MCF2L2: variants seen among roughly 807,000 people sequenced by gnomAD.
The protein encoded by MCF2L2 is probable guanine nucleotide exchange factor MCF2L2.
MCF2L2 carries 102 observed loss-of-function variants against 150.2 expected under a neutral mutation model. That is an observed-to-expected ratio of 0.68 (90% CI 0.58 to 0.80). MCF2L2 has a LOEUF of 0.80. Ranked by LOEUF, MCF2L2 falls within the 30% of genes least tolerant of loss-of-function variation. The pLI, the probability that MCF2L2 is intolerant of heterozygous loss-of-function variation, is 0.00. For synonymous variants in MCF2L2, 465 were observed against 491.3 expected (o/e 0.95, Z 0.71); for missense variants, 1,256 against 1,372.8 (o/e 0.91, Z 1.34).
Position 183,267,597 on chromosome 3 carries a change from C to T in MCF2L2, c.1862+9275G>A, listed in dbSNP as rs752789111. Among the ~76,000 whole-genome samples the T allele has an allele frequency of 6.6e-6, 1 of 152,232 alleles. No homozygotes were observed. Among genetic ancestry groups the T allele is most frequent in the Non-Finnish European group, 1.5e-5 (1 of 68,046 alleles). ...CTTTGCCCTGGGGCTTGCTATGTGG[C>T]TCAGCCTACACGGCTCTCTCCCCGT... On this transcript the variant is annotated intron_variant, in intron 15 of 29. Transcript: ENST00000328913. The surrounding 1 kb of genome is among the most constrained non-coding windows in gnomAD (Gnocchi z 5.5).
At chr3:183,425,184 T>C (rs919371840) in intron 1 of MCF2L2, among the ~76,000 whole-genome samples, 2 of 148,614 alleles carry the variant, frequency 1.3e-5, no homozygotes, top group African/African-American at 4.9e-5. Context: ...GAAAGAAAGC[T>C]GCGAGGTGTT....
chr3:183,264,976 CCTT>C (rs1430671836), intron 15 of MCF2L2, among the ~76,000 whole-genome samples: 2 of 152,092 alleles, frequency 1.3e-5, no homozygotes, highest in African/African-American at 2.4e-5. Flanking sequence ...AATACCTGTC[CCTT>C]CTTCTCAGTC....
chr3:183,269,882 C>T, intron 15 of MCF2L2: 1 of 1,613,958 alleles, frequency 6.2e-7, no homozygotes, highest in Non-Finnish European at 8.5e-7. Context: ...TAGCGAGCCT[C>T]ATGTTTTTTT....
At chr3:183,194,362 G>C (rs1224491047) in intron 26 of MCF2L2, among the ~76,000 whole-genome samples, 2 of 152,206 alleles carry the variant, frequency 1.3e-5, no homozygotes, top group African/African-American at 4.8e-5. Flanking sequence ...AGTAATAGAT[G>C]AGGCAAGGAG....
chr3:183,409,507 A>G (rs146727325), intron 1 of MCF2L2, among the ~76,000 whole-genome samples: 31 of 151,728 alleles, frequency 2.0e-4, no homozygotes, highest in African/African-American at 5.8e-4. Flanking sequence ...ATAAAGCACA[A>G]CTTGTGACAC....
intron 1 of MCF2L2, among the ~76,000 whole-genome samples, chr3:183,390,714 GAGTAAGATCTTGTCTCCACAA>G (rs1714092802): frequency 6.6e-6 from 1 of 152,154 alleles, no homozygotes; most frequent in African/African-American, 2.4e-5. Flanking sequence ...CTGGTCAACA[GAGTAAGATCTTGTCTCCACAA>G]AAAATTTAAA....
At chr3:183,180,672 A>G (rs1355943431) in intron 27 of MCF2L2, among the ~76,000 whole-genome samples, 2 of 152,210 alleles carry the variant, frequency 1.3e-5, no homozygotes, top group African/African-American at 2.4e-5. Flanking sequence ...AGTCTTGTCT[A>G]TGGCGCACAT....
chr3:183,276,874 G>A lies in MCF2L2; in HGVS notation c.1860C>T (p.Arg620=), dbSNP rs201016462. 1.2e-5 allele frequency: 20 copies of A among 1,606,618 alleles called. No individual in the cohort carries two copies. In the East Asian group the frequency reaches 4.0e-4, roughly 32 times the overall value. Residue 620 remains arginine (R), a splice_region_variant and synonymous_variant, in exon 15 of 30, where the codon CGC becomes CGT. Coordinates refer to ENST00000328913, the MANE Select transcript of MCF2L2 (RefSeq NM_015078.4). The part of the protein sequence containing the change: ...QQARLGDLSP[R]RRIIRDLLET... The stretch of plus-strand genomic sequence containing the variant: ...CACCCACGGATGTGCAGTCTTACCT[G>A]CGGGGGGAAAGGTCTCCGAGCCTGG...
intron 2 of MCF2L2, 120 bp downstream of exon 2, chr3:183,389,576 G>C: frequency 1.2e-6 from 1 of 804,878 alleles, no homozygotes; most frequent in South Asian, 1.6e-5. Flanking sequence ...TCTAGTCCCG[G>C]GTGAAGCCTA....
intron 3 of MCF2L2, among the ~76,000 whole-genome samples, chr3:183,350,590 C>T (rs540296389): frequency 1.3e-5 from 2 of 152,260 alleles, no homozygotes; most frequent in South Asian, 4.1e-4. Context: ...TTGCAAAAGT[C>T]ACACCCTATA....
intron 11 of MCF2L2, chr3:183,299,749 C>T (rs199846602): frequency 1.2e-4 from 52 of 416,786 alleles, no homozygotes; most frequent in South Asian, 7.8e-4. Context: ...TCTTAAAGTC[C>T]GGCTCCACAC....
intron 7 of MCF2L2, among the ~76,000 whole-genome samples, chr3:183,316,575 C>A (rs192467819): frequency 2.3e-3 from 351 of 152,060 alleles, no homozygotes; most frequent in Middle Eastern, 0.01. Flanking sequence ...GAACTCCTGA[C>A]CTCAGGTGAT....
Position 183,305,512 on chromosome 3 carries a change from T to C in MCF2L2, c.1113+4204A>G, listed in dbSNP as rs1254449551. Among the ~76,000 whole-genome samples the C allele has an allele frequency of 6.6e-6, 1 of 152,104 alleles. No individual in the cohort carries two copies. Among genetic ancestry groups the C allele is most frequent in the Non-Finnish European group, 1.5e-5 (1 of 68,016 alleles). ...GACATTTGAGATGTTAGAGGGAAGA[T>C]GTGTGTAACAGGTCCAAATGGGTCT... On this transcript the variant is annotated intron_variant, in intron 10 of 29. Transcript: ENST00000328913. The surrounding 1 kb of genome is among the most constrained non-coding windows in gnomAD (Gnocchi z 4.1).
At position 183,311,666 on chromosome 3, in the gene MCF2L2, T is replaced by C. The variant is rs983588089; in HGVS notation, c.860A>G (p.Asn287Ser). Residue 287 changes from asparagine (N) to serine (S), a missense_variant, in exon 8 of 30, where the codon AAT becomes AGT. Transcript: ENST00000328913. ...NSKLNLNQLE[N>S]VTTMERLLVQ... ...CACTCACCTTTCCATGGTAGTTACA[T>C]TCTCAAGTTGGTTGAGATTGAGTTT... 5 of 1,614,018 alleles carry C rather than the reference T, an allele frequency of 3.1e-6. No homozygotes were observed. The highest frequency in any genetic ancestry group is 8.5e-7 in the Non-Finnish European group (1 of 1,179,994).
At chr3:183,363,057 A>G (rs1439274000) in intron 3 of MCF2L2, among the ~76,000 whole-genome samples, 2 of 151,534 alleles carry the variant, frequency 1.3e-5, no homozygotes, top group East Asian at 1.9e-4. Flanking sequence ...GTTCAACATC[A>G]TATGTCATTG....
At chr3:183,385,766 A>G (rs975344211) in intron 2 of MCF2L2, among the ~76,000 whole-genome samples, 1 of 152,206 alleles carries the variant, frequency 6.6e-6, no homozygotes, top group Admixed American at 6.5e-5. Context: ...TGGCAGTTAG[A>G]AAGCTAAATG....
chr3:183,295,476 G>A lies in MCF2L2; in HGVS notation c.1499C>T (p.Ala500Val). The A allele has an allele frequency of 6.2e-7, 1 of 1,613,960 alleles. No individual in the cohort carries two copies. Among genetic ancestry groups the A allele is most frequent in the Non-Finnish European group, 8.5e-7 (1 of 1,179,950 alleles). The change falls in exon 13 of 30, where the codon GCC becomes GTC. Residue 500 changes from alanine to valine, a missense_variant and splice_region_variant. Coordinates refer to ENST00000328913, the MANE Select transcript of MCF2L2 (RefSeq NM_015078.4). Reference sequence around the variant, plus strand: ...CCTCTGCAAAACTTTCTGGGCTTTGGCCTACAGTAACAAAAGCAAATCATG... The same window carrying A: ...CCTCTGCAAAACTTTCTGGGCTTTGACCTACAGTAACAAAAGCAAATCATG... ...FELLLTLDAKAKAQKVLQRLD... is the reference protein window; with the variant it reads ...FELLLTLDAKVKAQKVLQRLD...
chr3:183,410,664 T>C (rs1468777278), intron 1 of MCF2L2, among the ~76,000 whole-genome samples: 1 of 152,236 alleles, frequency 6.6e-6, no homozygotes, highest in Non-Finnish European at 1.5e-5. Flanking sequence ...GTTCCTGTTT[T>C]TCCCAGGCCA....
intron 3 of MCF2L2, among the ~76,000 whole-genome samples, chr3:183,361,032 A>AG (rs1560040220): frequency 1.5e-4 from 19 of 129,148 alleles, no homozygotes; most frequent in African/African-American, 5.7e-4. Context: ...AGAGAAAAGA[A>AG]AAGGAAGAAA....
Sources: allele counts gnomAD v4.1 joint callset (sites outside exome capture counted in the v4.1 genomes callset), GRCh38; gene constraint gnomAD v4.1.1; non-coding constraint Gnocchi (gnomAD v3.1); transcripts MANE v1.5; gene names NCBI Gene and HGNC (gene_info 2026-07-23, HGNC 2026-07-21).